TRPM7: variants seen among roughly 807,000 people sequenced by gnomAD.
TRPM7 encodes LTRPC ion channel family member 7.
Under a neutral mutation model 229.7 loss-of-function variants are expected in TRPM7, and 134 were observed. That is an observed-to-expected ratio of 0.58 (90% CI 0.51 to 0.67). TRPM7 has a LOEUF of 0.67. TRPM7 is among the 30% of genes least tolerant of loss of function. The pLI, the probability that TRPM7 is intolerant of heterozygous loss-of-function variation, is 0.00. For missense variants in TRPM7, 1,901 were observed against 2,210.0 expected, an observed-to-expected ratio of 0.86 and a Z score of 2.80; for synonymous variants, 699 against 715.2, an observed-to-expected ratio of 0.98 and a Z score of 0.36.
intron 12 of TRPM7, among the ~76,000 whole-genome samples, chr15:50,622,700 A>T (rs2060445911): frequency 6.6e-6 from 1 of 152,140 alleles, no homozygotes; most frequent in Non-Finnish European, 1.5e-5. Context: ...AGCCTGGCCA[A>T]CATGGCGAAA....
intron 2 of TRPM7, among the ~76,000 whole-genome samples, chr15:50,659,831 C>T (rs2061681997): frequency 6.6e-6 from 1 of 152,074 alleles, no homozygotes; most frequent in Admixed American, 6.6e-5. Flanking sequence ...CCACGCCCAG[C>T]TAGTTTTTAT....
chr15:50,577,426 A>C (rs2054187929), intron 31 of TRPM7, among the ~76,000 whole-genome samples: 1 of 152,086 alleles, frequency 6.6e-6, no homozygotes, highest in African/African-American at 2.4e-5. Context: ...GCATGCCTGT[A>C]ATCCCAGCTA....
intron 22 of TRPM7, among the ~76,000 whole-genome samples, chr15:50,598,228 A>G (rs1021379947): frequency 1.3e-5 from 2 of 152,214 alleles, no homozygotes; most frequent in African/African-American, 4.8e-5. Context: ...TAAAGATTCT[A>G]TATCTCAAAT....
At chr15:50,615,815 G>A (rs1377966568) in intron 13 of TRPM7, among the ~76,000 whole-genome samples, 1 of 152,040 alleles carries the variant, frequency 6.6e-6, no homozygotes, top group Non-Finnish European at 1.5e-5. Flanking sequence ...AGAATCGCTT[G>A]AACCCAGGAT....
chr15:50,623,264 T>G (rs2140569286), intron 12 of TRPM7, among the ~76,000 whole-genome samples: 1 of 151,772 alleles, frequency 6.6e-6, no homozygotes, highest in Middle Eastern at 3.4e-3. Context: ...ACACAAAAAT[T>G]AGCTGGGTGC....
chr15:50,611,970 G>A (rs1223921511), intron 16 of TRPM7, among the ~76,000 whole-genome samples: 6 of 152,180 alleles, frequency 3.9e-5, no homozygotes, highest in African/African-American at 1.4e-4. Context: ...TGCCTTCCCA[G>A]TTGAATTCAG....
chr15:50,614,408 T>C (rs1321396019), intron 13 of TRPM7, 145 bp from the exon 14 acceptor site: 2 of 707,542 alleles, frequency 2.8e-6, no homozygotes, highest in African/African-American at 3.6e-5. Context: ...CTCACGCCTG[T>C]AATCCCAACA....
rs1300211561 is a variant in TRPM7, at chr15:50,585,056, T to TA, written c.4486+1335_4486+1336insT. Among the ~76,000 whole-genome samples, 25 of 139,102 alleles carry TA rather than the reference T, an allele frequency of 1.8e-4. 1 individual carries two copies. Among genetic ancestry groups the TA allele is most frequent in the African/African-American group, 6.9e-4 (25 of 36,182 alleles). The allele number at this position is 139,102 out of a possible 152,430, so 91.3% of individuals were successfully genotyped here. ...ACATCTAGCTAATTTTTGTATTTTTTTTTTTTTTTTTTTTTTGAGACGGAG... is the reference window on the plus strand; with the variant it reads ...ACATCTAGCTAATTTTTGTATTTTTTATTTTTTTTTTTTTTTTGAGACGGAG... On this transcript the variant is annotated intron_variant, in intron 28 of 38. Coordinates refer to ENST00000646667, the MANE Select transcript of TRPM7 (RefSeq NM_017672.6).
chr15:50,635,536 GC>G (rs1462415931), intron 7 of TRPM7, among the ~76,000 whole-genome samples: 1 of 150,216 alleles, frequency 6.7e-6, no homozygotes, highest in Non-Finnish European at 1.5e-5. Context: ...GGTGGCATGC[GC>G]CTGCAGTCCC....
At chr15:50,581,432 G>A (rs1438582461) in intron 29 of TRPM7, among the ~76,000 whole-genome samples, 1 of 151,930 alleles carries the variant, frequency 6.6e-6, no homozygotes, top group Admixed American at 6.6e-5. Flanking sequence ...CTGGGAGGTG[G>A]AGGTTGCAGT....
chr15:50,566,280 TAAC>T (rs2053594648), intron 38 of TRPM7, among the ~76,000 whole-genome samples: 1 of 152,118 alleles, frequency 6.6e-6, no homozygotes, highest in Admixed American at 6.5e-5. Context: ...CAAAGAGGAA[TAAC>T]AACTGAAATT....
chr15:50,624,091 A>G (rs1392942837), intron 12 of TRPM7, 75 bp downstream of exon 12: 2 of 1,416,088 alleles, frequency 1.4e-6, no homozygotes, highest in African/African-American at 2.9e-5. Flanking sequence ...ATCAATAGGA[A>G]TGGCTATATT....
At chr15:50,563,762 C>T (rs1207953026) in intron 38 of TRPM7, among the ~76,000 whole-genome samples, 1 of 152,204 alleles carries the variant, frequency 6.6e-6, no homozygotes, top group African/African-American at 2.4e-5. Flanking sequence ...CAACCCAACA[C>T]AAATTCATAA....
chr15:50,657,652 G>T, intron 3 of TRPM7, 129 bp downstream of exon 3: 1 of 768,862 alleles, frequency 1.3e-6, no homozygotes, highest in Non-Finnish European at 2.1e-6. Flanking sequence ...CACCTTCCAA[G>T]TCTAGGTAAA....
intron 4 of TRPM7, among the ~76,000 whole-genome samples, chr15:50,648,395 T>A (rs1250588719): frequency 6.6e-6 from 1 of 152,010 alleles, no homozygotes; most frequent in Non-Finnish European, 1.5e-5. Flanking sequence ...TTAAAAGACA[T>A]CTCTTAAACA....
In TRPM7 at chr15:50,637,594, C is replaced by A; in HGVS notation, c.661-1G>T. On this transcript the variant is annotated splice_acceptor_variant, in intron 6 of 38. Transcript: ENST00000646667. LOFTEE classifies it high-confidence loss of function. ...ATAAGGTTTGATAAGGAGCAACCAC[C>A]TAAACAATAGCAAACAAAAGAGTTA... 1 of 1,610,366 alleles carries A rather than the reference C, an allele frequency of 6.2e-7. No individual in the cohort carries two copies. The highest frequency in any genetic ancestry group is 8.5e-7 in the Non-Finnish European group (1 of 1,178,688).
intron 19 of TRPM7, among the ~76,000 whole-genome samples, chr15:50,607,842 T>A (rs1445164708): frequency 6.8e-6 from 1 of 146,672 alleles, no homozygotes; most frequent in African/African-American, 2.5e-5. Flanking sequence ...AGGTCAGGGG[T>A]TCGAAACTAG....
rs557111879 is a variant in TRPM7, at chr15:50,623,114, A to T, written c.1440+1052T>A. ...GTGAAAATAGCAAATGCTTTTTTTT[A>T]AAAAAGTTTGCATTTTTGGCCGGGT... On this transcript the variant is annotated intron_variant, in intron 12 of 38. Coordinates refer to ENST00000646667, the MANE Select transcript of TRPM7 (RefSeq NM_017672.6). Among the ~76,000 whole-genome samples, 538 of 152,056 alleles carry T rather than the reference A, an allele frequency of 3.5e-3. 1 individual carries two copies. The highest frequency in any genetic ancestry group is 6.7e-3 in the Non-Finnish European group (458 of 67,936).
chr15:50,665,901 G>A (rs1013237057), intron 1 of TRPM7, among the ~76,000 whole-genome samples: 1 of 152,012 alleles, frequency 6.6e-6, no homozygotes, highest in Non-Finnish European at 1.5e-5. Flanking sequence ...ACTGAGGCAG[G>A]AGAACTGCTT....
Sources: allele counts gnomAD v4.1 joint callset (sites outside exome capture counted in the v4.1 genomes callset), GRCh38; gene constraint gnomAD v4.1.1; transcripts MANE v1.5; gene names NCBI Gene and HGNC (gene_info 2026-07-23, HGNC 2026-07-21).